The following C8orf34 variants were observed in gnomAD, a reference collection of about 807,000 sequenced individuals.
The protein encoded by C8orf34 is uncharacterized protein C8orf34.
A neutral mutation model predicts 68.3 loss-of-function variants in C8orf34; 65 were observed. The ratio of observed to expected loss-of-function variants is 0.95; its 90% CI spans 0.78 to 1.17. The LOEUF is 1.17. Ranked by LOEUF, C8orf34 falls within the 50% of genes most tolerant of loss-of-function variation. C8orf34 has a pLI of 0.00. For missense variants in C8orf34, 664 were observed against 655.4 expected, an observed-to-expected ratio of 1.01 and a Z score of -0.14; for synonymous variants, 244 against 241.2, an observed-to-expected ratio of 1.01 and a Z score of -0.11.
intron 7 of C8orf34, among the ~76,000 whole-genome samples, chr8:68,571,666 G>A (rs751321013): frequency 1.3e-5 from 2 of 152,106 alleles, no homozygotes; most frequent in Non-Finnish European, 2.9e-5. Context: ...ATAAACAAGT[G>A]GCACTTACAG....
intron 4 of C8orf34, among the ~76,000 whole-genome samples, chr8:68,484,702 T>C (rs1407568629): frequency 6.6e-6 from 1 of 152,232 alleles, no homozygotes; most frequent in African/African-American, 2.4e-5. Flanking sequence ...CCACTCAGTA[T>C]AAATGGTTCC....
intron 1 of C8orf34, among the ~76,000 whole-genome samples, chr8:68,404,169 G>A (rs761690211): frequency 6.6e-6 from 1 of 152,138 alleles, no homozygotes; most frequent in Admixed American, 6.5e-5. Context: ...CCGTATAAAT[G>A]TCTTCTTTTG....
At position 68,416,824 on chromosome 8, in the gene C8orf34, C is replaced by T. The variant is rs78536627; in HGVS notation, c.328-22675C>T. Among the ~76,000 whole-genome samples the T allele has an allele frequency of 5.9e-3, 905 of 152,134 alleles. 33 individuals carry two copies. In the East Asian group the frequency reaches 0.11, roughly 18 times the overall value. On this transcript the variant is annotated intron_variant, in intron 1 of 13. Transcript: ENST00000518698. ...GGGATTACAGGCATGATGCATCATGCCTGACCTGAATTAGTATCTTTAAAT... is the reference window on the plus strand; with the variant it reads ...GGGATTACAGGCATGATGCATCATGTCTGACCTGAATTAGTATCTTTAAAT...
At chr8:68,376,388 G>A (rs1347295006) in intron 1 of C8orf34, among the ~76,000 whole-genome samples, 1 of 152,024 alleles carries the variant, frequency 6.6e-6, no homozygotes, top group African/African-American at 2.4e-5. Flanking sequence ...TTGGGCAAAG[G>A]AATAACATAA....
intron 7 of C8orf34, among the ~76,000 whole-genome samples, chr8:68,562,922 T>C (rs140362857): frequency 6.6e-6 from 1 of 152,316 alleles, no homozygotes; most frequent in African/African-American, 2.4e-5. Flanking sequence ...GAATTTCTAT[T>C]CATACCTTAA....
chr8:68,419,030 C>T (rs1239137796), intron 1 of C8orf34, among the ~76,000 whole-genome samples: 3 of 150,358 alleles, frequency 2.0e-5, no homozygotes, highest in South Asian at 2.1e-4. Flanking sequence ...AAACTACCAT[C>T]AGAGTGAACA....
intron 4 of C8orf34, among the ~76,000 whole-genome samples, chr8:68,479,734 G>A (rs192624371): frequency 1.7e-4 from 26 of 152,180 alleles, no homozygotes; most frequent in African/African-American, 6.3e-4. Flanking sequence ...AAACTTTGAG[G>A]TCCTATACAG....
chr8:68,736,647 A>G (rs1822130149), intron 10 of C8orf34, among the ~76,000 whole-genome samples: 1 of 152,120 alleles, frequency 6.6e-6, no homozygotes, highest in South Asian at 2.1e-4. Context: ...ATCTCAGGAT[A>G]TTCAGTACCT....
intron 2 of C8orf34, among the ~76,000 whole-genome samples, chr8:68,441,778 T>C (rs558735356): frequency 9.8e-5 from 15 of 152,332 alleles, no homozygotes; most frequent in Admixed American, 2.0e-4. Context: ...CTTTGCTATA[T>C]TCTACTGTTT....
At chr8:68,703,855 C>T (rs1425748606) in intron 8 of C8orf34, among the ~76,000 whole-genome samples, 1 of 152,078 alleles carries the variant, frequency 6.6e-6, no homozygotes, top group African/African-American at 2.4e-5. Flanking sequence ...TAAGCCTCTG[C>T]CTCACACCCT....
intron 1 of C8orf34, among the ~76,000 whole-genome samples, chr8:68,397,257 G>C (rs1238793595): frequency 6.6e-6 from 1 of 152,034 alleles, no homozygotes; most frequent in Non-Finnish European, 1.5e-5. Flanking sequence ...ACCCCTCTCA[G>C]CTTCCCAAAG....
chr8:68,696,801 G>C (rs1389671419), intron 8 of C8orf34, among the ~76,000 whole-genome samples: 1 of 151,876 alleles, frequency 6.6e-6, no homozygotes, highest in Non-Finnish European at 1.5e-5. Flanking sequence ...ATTTCCTTTA[G>C]CTATAATTGA....
chr8:68,519,069 G>T (rs969576831), intron 5 of C8orf34, among the ~76,000 whole-genome samples: 2 of 152,076 alleles, frequency 1.3e-5, no homozygotes, highest in Non-Finnish European at 2.9e-5. Flanking sequence ...ACGATCAAGC[G>T]TATTAAAGTA....
intron 8 of C8orf34, among the ~76,000 whole-genome samples, chr8:68,680,284 T>C (rs998050608): frequency 1.3e-5 from 2 of 152,122 alleles, no homozygotes; most frequent in African/African-American, 4.8e-5. Flanking sequence ...AAAGAAGACA[T>C]ACAAATGGCA....
chr8:68,738,210 T>G (rs1822177959), intron 10 of C8orf34, among the ~76,000 whole-genome samples: 1 of 152,034 alleles, frequency 6.6e-6, no homozygotes, highest in Admixed American at 6.6e-5. Context: ...TTTGGGTAAA[T>G]AATGAAATTA....
At chr8:68,772,304 A>G (rs73277924) in intron 10 of C8orf34, among the ~76,000 whole-genome samples, 17,061 of 152,228 alleles carry the variant, frequency 0.11, 1,649 homozygotes, top group East Asian at 0.38. Flanking sequence ...CTAAGGATTA[A>G]TGAAAGATGA....
rs531047576 is a variant in C8orf34, at chr8:68,505,470, A to G, written c.766-16329A>G. On this transcript the variant is annotated intron_variant, in intron 5 of 13. Transcript: ENST00000518698. ...ACATGGGCCGGGCGCGGTGGCTCAC[A>G]CCTGTAATCCCAGCACTTTGGGAGG... Among the ~76,000 whole-genome samples, 753 of 94,950 alleles carry G rather than the reference A, an allele frequency of 7.9e-3. 225 individuals are homozygous for G. Among genetic ancestry groups the G allele is most frequent in the African/African-American group, 0.067 (717 of 10,724 alleles). 62.3% of individuals were successfully genotyped at this position (94,950 alleles called of 152,430 possible).
Position 68,806,434 on chromosome 8 carries a change from G to GT in C8orf34, c.1550-9444dup, listed in dbSNP as rs543804131. The stretch of plus-strand genomic sequence containing the variant: ...TTCACTGAGTATAAAAATCAAGAAA[G>GT]TTTTTTTTCTTTCAGCACGTCAAAG... On this transcript the variant is annotated intron_variant, in intron 12 of 13. Transcript: ENST00000518698. Among the ~76,000 whole-genome samples, 6 of 151,588 alleles carry GT rather than the reference G, an allele frequency of 4.0e-5. No homozygotes were observed. In the East Asian group the frequency reaches 5.8e-4, roughly 15 times the overall value.
intron 7 of C8orf34, among the ~76,000 whole-genome samples, chr8:68,570,995 G>T (rs116832450): frequency 2.4e-3 from 370 of 152,260 alleles, no homozygotes; most frequent in African/African-American, 7.9e-3. Context: ...AGGCACTTTT[G>T]TTCCTCTCTT....
Sources: gnomAD v4.1 joint callset for allele counts (sites outside exome capture counted in the v4.1 genomes callset) on GRCh38, gnomAD v4.1.1 for gene constraint, MANE v1.5 for transcripts, NCBI Gene and HGNC (gene_info 2026-07-23, HGNC 2026-07-21) for gene names.